The following RBMS3 variants were observed in gnomAD, a reference collection of about 807,000 sequenced individuals.
RBMS3 encodes RNA binding motif single stranded interacting protein 3.
A neutral mutation model predicts 66.8 loss-of-function variants in RBMS3; 27 were observed. The ratio of observed to expected loss-of-function variants is 0.40; its 90% CI spans 0.30 to 0.56. The LOEUF (loss-of-function observed/expected upper bound fraction) is 0.56, where lower values mean the gene tolerates loss of function less well. Among genes scored for constraint, RBMS3 ranks in the 20% least tolerant of loss-of-function variants. The pLI, the probability that RBMS3 is intolerant of heterozygous loss-of-function variation, is 0.40. For missense variants in RBMS3, 513 were observed against 549.5 expected, an observed-to-expected ratio of 0.93 and a Z score of 0.66; for synonymous variants, 188 against 183.0, an observed-to-expected ratio of 1.03 and a Z score of -0.22.
At chr3:29,964,894 C>A (rs1696727111) in intron 12 of RBMS3, among the ~76,000 whole-genome samples, 1 of 152,050 alleles carries the variant, frequency 6.6e-6, no homozygotes, top group African/African-American at 2.4e-5. Context: ...CCCTTTGTCC[C>A]CAAAGTCAAT....
intron 3 of RBMS3, among the ~76,000 whole-genome samples, chr3:29,535,879 G>GTGATTTAT (rs1333690393): frequency 2.0e-5 from 3 of 151,772 alleles, no homozygotes; most frequent in African/African-American, 7.3e-5. Flanking sequence ...TACTAGTTAA[G>GTGATTTAT]TGATTTATTT....
intron 8 of RBMS3, among the ~76,000 whole-genome samples, chr3:29,895,023 A>C (rs2060092984): frequency 6.6e-6 from 1 of 151,500 alleles, no homozygotes; most frequent in Non-Finnish European, 1.5e-5. Flanking sequence ...TCACAGAAGT[A>C]GGCAATAGCC....
chr3:29,568,009 C>A (rs529092186), intron 3 of RBMS3, among the ~76,000 whole-genome samples: 1 of 152,270 alleles, frequency 6.6e-6, no homozygotes, highest in East Asian at 1.9e-4. Flanking sequence ...GCAAATCAAC[C>A]TCTGTGCTTG....
intron 3 of RBMS3, among the ~76,000 whole-genome samples, chr3:29,538,427 C>T (rs1227767939): frequency 6.6e-6 from 1 of 152,114 alleles, no homozygotes; most frequent in Non-Finnish European, 1.5e-5. Context: ...GCGAAGTTTC[C>T]TGGCAACCCA....
intron 11 of RBMS3, among the ~76,000 whole-genome samples, chr3:29,942,741 ATTAT>A (rs2061421761): frequency 6.6e-6 from 1 of 150,914 alleles, no homozygotes; most frequent in South Asian, 2.1e-4. Flanking sequence ...ATTGGCTTTT[ATTAT>A]TTATTTTAAA....
intron 6 of RBMS3, among the ~76,000 whole-genome samples, chr3:29,831,136 T>C (rs1451215676): frequency 2.0e-5 from 3 of 152,174 alleles, no homozygotes; most frequent in Non-Finnish European, 4.4e-5. Flanking sequence ...TCAGGGTGGA[T>C]TTTAAACAAC....
chr3:29,948,761 A>AT (rs1695487790), intron 12 of RBMS3, among the ~76,000 whole-genome samples: 2 of 151,668 alleles, frequency 1.3e-5, no homozygotes, highest in African/African-American at 4.8e-5. Flanking sequence ...GAGTTAATTG[A>AT]TTTTTTCTTT....
Position 29,764,143 on chromosome 3 carries a change from A to G in RBMS3, c.637+1154A>G, listed in dbSNP as rs553198469. 1.1e-4 allele frequency among the ~76,000 whole-genome samples: 17 copies of G among 152,112 alleles called. 1 individual carries two copies. In the East Asian group the frequency reaches 3.3e-3, roughly 30 times the overall value. ...TTTTAAGGGGGGATGTCAAGAATGC[A>G]GAAAGACCCTTCAGACAGACACTTG... On this transcript the variant is annotated intron_variant, in intron 6 of 14. Coordinates refer to ENST00000383767, the MANE Select transcript of RBMS3 (RefSeq NM_001003793.3).
At chr3:29,359,779 G>A (rs1179558596) in intron 1 of RBMS3, among the ~76,000 whole-genome samples, 10 of 152,094 alleles carry the variant, frequency 6.6e-5, no homozygotes, top group Non-Finnish European at 1.3e-4. Context: ...TCTTGGGAGG[G>A]TGTATGTGTC....
chr3:29,377,137 T>C (rs2038519128), intron 1 of RBMS3, among the ~76,000 whole-genome samples: 2 of 151,872 alleles, frequency 1.3e-5, no homozygotes, highest in South Asian at 2.1e-4. Context: ...CAATATGTAA[T>C]GCTATTTGCT....
chr3:29,641,460 T>C (rs1348678598), intron 4 of RBMS3, among the ~76,000 whole-genome samples: 4 of 152,050 alleles, frequency 2.6e-5, no homozygotes, highest in Admixed American at 2.0e-4. Flanking sequence ...CTGAATCAAA[T>C]GGTATATCTT....
At chr3:29,608,617 T>G (rs2048389996) in intron 4 of RBMS3, among the ~76,000 whole-genome samples, 1 of 152,038 alleles carries the variant, frequency 6.6e-6, no homozygotes, top group African/African-American at 2.4e-5. Flanking sequence ...ATACATAGTT[T>G]AACACATGCT....
intron 5 of RBMS3, among the ~76,000 whole-genome samples, chr3:29,751,878 A>T (rs1213712145): frequency 1.3e-5 from 2 of 152,174 alleles, no homozygotes; most frequent in Non-Finnish European, 2.9e-5. Flanking sequence ...GCCTGCAGGA[A>T]CAAACACTGT....
chr3:29,931,103 A>C (rs1011204681), intron 10 of RBMS3, among the ~76,000 whole-genome samples: 1 of 152,204 alleles, frequency 6.6e-6, no homozygotes, highest in African/African-American at 2.4e-5. Flanking sequence ...CTTTCAGAAT[A>C]AACAATCAAA....
chr3:29,782,765 T>C (rs528228392), intron 6 of RBMS3, among the ~76,000 whole-genome samples: 4 of 152,180 alleles, frequency 2.6e-5, no homozygotes, highest in African/African-American at 9.6e-5. Flanking sequence ...GAAGTCCAAC[T>C]TAAAGAAATC....
intron 6 of RBMS3, among the ~76,000 whole-genome samples, chr3:29,803,476 C>A (rs935447021): frequency 6.6e-6 from 1 of 152,046 alleles, no homozygotes; most frequent in African/African-American, 2.4e-5. Context: ...GATGTGTGGA[C>A]AAAGGGGTGT....
chr3:29,868,712 C>A, intron 6 of RBMS3, 146 bp from the exon 7 acceptor site: 1 of 676,798 alleles, frequency 1.5e-6, no homozygotes, highest in East Asian at 2.9e-5. Context: ...GCCAACAGAG[C>A]TGAGACTAAA....
At chr3:29,646,447 TAAATGA>T in intron 4 of RBMS3, among the ~76,000 whole-genome samples, 1 of 152,302 alleles carries the variant, frequency 6.6e-6, no homozygotes, top group East Asian at 1.9e-4. Context: ...TTGCTGCAAT[TAAATGA>T]AATCATTCAA....
chr3:29,553,874 A>C (rs1228501109), intron 3 of RBMS3, among the ~76,000 whole-genome samples: 1 of 151,060 alleles, frequency 6.6e-6, no homozygotes, highest in Non-Finnish European at 1.5e-5. Context: ...ACACTGTGTG[A>C]ATTTTAATGT....
Sources: gnomAD v4.1 joint callset for allele counts (sites outside exome capture counted in the v4.1 genomes callset) on GRCh38, gnomAD v4.1.1 for gene constraint, MANE v1.5 for transcripts, NCBI Gene and HGNC (gene_info 2026-07-23, HGNC 2026-07-21) for gene names.